The following SPATA16 variants were observed in gnomAD, a reference collection of about 807,000 sequenced individuals.
SPATA16 encodes spermatogenesis associated 16, also known as spermatogenesis-associated protein 16.
In SPATA16, 36 loss-of-function variants were observed where a neutral mutation model predicts 63.3. The observed-to-expected ratio is 0.57, with a 90% CI of 0.44 to 0.75. The LOEUF is 0.75. Among genes scored for constraint, SPATA16 ranks in the 30% least tolerant of loss-of-function variants. The pLI is 0.00. For synonymous variants in SPATA16, 203 were observed against 216.7 expected (o/e 0.94, Z 0.56); for missense variants, 646 against 679.3 (o/e 0.95, Z 0.54).
At chr3:173,036,823 AAT>A (rs1334642518) in intron 3 of SPATA16, among the ~76,000 whole-genome samples, 1 of 152,010 alleles carries the variant, frequency 6.6e-6, no homozygotes, top group African/African-American at 2.4e-5. Flanking sequence ...GCAAAATGTC[AAT>A]GTTACTGCTT....
chr3:173,098,479 C>T (rs1204001989), intron 2 of SPATA16, among the ~76,000 whole-genome samples: 3 of 152,122 alleles, frequency 2.0e-5, no homozygotes, highest in Non-Finnish European at 4.4e-5. Flanking sequence ...ATCATAAATG[C>T]CTTCTGGAAG....
chr3:172,892,617 C>CT (rs1283414193), intron 10 of SPATA16, among the ~76,000 whole-genome samples: 1 of 152,012 alleles, frequency 6.6e-6, no homozygotes, highest in South Asian at 2.1e-4. Flanking sequence ...TCTTTATTTT[C>CT]TTTTTTTTAT....
At chr3:173,024,417 AT>A (rs1036860443) in intron 3 of SPATA16, among the ~76,000 whole-genome samples, 2 of 151,302 alleles carry the variant, frequency 1.3e-5, no homozygotes, top group African/African-American at 4.8e-5. Flanking sequence ...TCTATGTGTT[AT>A]TTTCCAAGAG....
intron 2 of SPATA16, among the ~76,000 whole-genome samples, chr3:173,105,429 T>G: frequency 6.6e-6 from 1 of 152,224 alleles, no homozygotes; most frequent in Non-Finnish European, 1.5e-5. Context: ...ACTCTGTAAC[T>G]AGCAATTTCC....
At chr3:173,019,409 T>G in intron 4 of SPATA16, 77 bp downstream of exon 4, 5 of 1,203,520 alleles carry the variant, frequency 4.2e-6, no homozygotes, top group Non-Finnish European at 6.2e-6. Flanking sequence ...GAGAGTTCTG[T>G]TATGCTATTA....
chr3:173,041,889 C>T (rs901327163), intron 3 of SPATA16, among the ~76,000 whole-genome samples: 13 of 151,766 alleles, frequency 8.6e-5, no homozygotes, highest in African/African-American at 2.2e-4. Flanking sequence ...ACCAACATGG[C>T]GCATGTATAC....
At chr3:172,959,787 CAT>C (rs66806016) in intron 5 of SPATA16, among the ~76,000 whole-genome samples, 7,631 of 135,316 alleles carry the variant, frequency 0.056, 219 homozygotes, top group East Asian at 0.084. Flanking sequence ...AGTAATATAA[CAT>C]ATATATATAT....
At chr3:172,962,520 A>T (rs1733814313) in intron 5 of SPATA16, among the ~76,000 whole-genome samples, 1 of 152,186 alleles carries the variant, frequency 6.6e-6, no homozygotes, top group Non-Finnish European at 1.5e-5. Context: ...ATCCCTTTTT[A>T]TCTACTAATA....
At chr3:173,017,361 G>A (rs753947248) in intron 4 of SPATA16, among the ~76,000 whole-genome samples, 11 of 152,084 alleles carry the variant, frequency 7.2e-5, no homozygotes, top group Non-Finnish European at 1.3e-4. Context: ...ACATGACAAG[G>A]GCAGTGGAAT....
chr3:173,077,009 C>T (rs1262572326), intron 2 of SPATA16, among the ~76,000 whole-genome samples: 2 of 152,102 alleles, frequency 1.3e-5, no homozygotes, highest in African/African-American at 4.8e-5. Flanking sequence ...GATCTAACAT[C>T]TCTACGTACA....
chr3:173,061,851 T>C (rs1190259994), intron 2 of SPATA16, among the ~76,000 whole-genome samples: 1 of 152,170 alleles, frequency 6.6e-6, no homozygotes, highest in African/African-American at 2.4e-5. Context: ...TGAAGAATTA[T>C]ATTCATACAT....
chr3:172,904,019 A>G (rs2109550139), intron 10 of SPATA16, among the ~76,000 whole-genome samples: 1 of 152,372 alleles, frequency 6.6e-6, no homozygotes, highest in Admixed American at 6.5e-5. Context: ...ATTAAGAACA[A>G]GCCTTTGACC....
intron 1 of SPATA16, among the ~76,000 whole-genome samples, chr3:173,128,481 T>C (rs972185133): frequency 1.3e-5 from 2 of 152,012 alleles, no homozygotes; most frequent in Non-Finnish European, 2.9e-5. Context: ...TGAAGCCTTC[T>C]AGGTTCCAGG....
At chr3:173,047,697 C>T (rs539570871) in intron 3 of SPATA16, among the ~76,000 whole-genome samples, 2 of 152,054 alleles carry the variant, frequency 1.3e-5, no homozygotes, top group South Asian at 2.1e-4. Flanking sequence ...AGTATTTCTT[C>T]TTTCAAATGG....
chr3:173,012,982 A>G (rs967892677), intron 4 of SPATA16, among the ~76,000 whole-genome samples: 6 of 152,316 alleles, frequency 3.9e-5, no homozygotes, highest in Admixed American at 6.5e-5. Context: ...TAAACAGGCA[A>G]CCTACAAAAT....
At chr3:173,024,272 A>G (rs1187652461) in intron 3 of SPATA16, among the ~76,000 whole-genome samples, 1 of 151,616 alleles carries the variant, frequency 6.6e-6, no homozygotes, top group African/African-American at 2.4e-5. Flanking sequence ...AGTATTTATA[A>G]CTATTTTTTT....
At chr3:173,126,513 C>T (rs887187744) in intron 1 of SPATA16, among the ~76,000 whole-genome samples, 1 of 152,104 alleles carries the variant, frequency 6.6e-6, no homozygotes, top group African/African-American at 2.4e-5. Flanking sequence ...AAAAGTGATC[C>T]AAGTTTCTAT....
intron 2 of SPATA16, among the ~76,000 whole-genome samples, chr3:173,093,131 G>A (rs933513380): frequency 3.3e-5 from 5 of 151,570 alleles, no homozygotes; most frequent in African/African-American, 1.2e-4. Flanking sequence ...TCTGTTTTGG[G>A]TGAAAGTCTA....
At chr3:173,079,729 C>T (rs976897628) in intron 2 of SPATA16, among the ~76,000 whole-genome samples, 2 of 152,142 alleles carry the variant, frequency 1.3e-5, no homozygotes, top group South Asian at 2.1e-4. Flanking sequence ...TAAAATCACT[C>T]TAATTTTCTT....
Sources: allele counts gnomAD v4.1 joint callset (sites outside exome capture counted in the v4.1 genomes callset), GRCh38; gene constraint gnomAD v4.1.1; transcripts MANE v1.5; gene names NCBI Gene and HGNC (gene_info 2026-07-23, HGNC 2026-07-21).